ZNF595: variants seen among roughly 807,000 people sequenced by gnomAD.
ZNF595 encodes the protein zinc finger protein 595.
In ZNF595, 9 loss-of-function variants were observed where a neutral mutation model predicts 19.4. The ratio of observed to expected loss-of-function variants is 0.46; its 90% CI spans 0.28 to 0.81. The LOEUF (loss-of-function observed/expected upper bound fraction) is 0.81, where lower values mean the gene tolerates loss of function less well. ZNF595 is among the 30% of genes least tolerant of loss of function. ZNF595 has a pLI of 0.11. For missense variants in ZNF595, 729 were observed against 736.0 expected (o/e 0.99, Z 0.11); for synonymous variants, 255 against 255.9 (o/e 1.00, Z 0.03).
chr4:55,048 AT>A (rs1183063876), intron 1 of ZNF595, among the ~76,000 whole-genome samples: 672 of 139,220 alleles, frequency 4.8e-3, no homozygotes, highest in Admixed American at 0.013. Flanking sequence ...TGCCTGGCTA[AT>A]TTTTTTTTTT....
Position 87,714 on chromosome 4 carries a change from AAT to A in ZNF595, c.*264_*265del. ...TACACACAGTCCAGTTATACACTTT[AAT>A]TTTTTTTTTTTTTTTTTTTTTTGAG... On this transcript the variant is annotated 3_prime_UTR_variant, in exon 4 of 4. Transcript: ENST00000610261. The A allele has an allele frequency of 5.1e-6, 1 of 197,872 alleles. No homozygotes were observed. Among genetic ancestry groups the A allele is most frequent in the Non-Finnish European group, 9.5e-6 (1 of 105,440 alleles). 12.3% of individuals were successfully genotyped at this position (197,872 alleles called of 1,614,324 possible). A position where few individuals can be genotyped will look rare whatever the true frequency, so the allele number is the denominator to read the frequency against.
At chr4:60,759 A>G (rs1712819883) in intron 3 of ZNF595, among the ~76,000 whole-genome samples, 1 of 152,314 alleles carries the variant, frequency 6.6e-6, no homozygotes, top group Non-Finnish European at 1.5e-5. Context: ...TTCTACAAAA[A>G]CTCTTACTCA....
At chr4:71,447 G>C (rs1446853945) in intron 3 of ZNF595, among the ~76,000 whole-genome samples, 1 of 152,070 alleles carries the variant, frequency 6.6e-6, no homozygotes, top group Non-Finnish European at 1.5e-5. Flanking sequence ...GAATGCCCTT[G>C]GGTTTAGGTT....
intron 3 of ZNF595, among the ~76,000 whole-genome samples, chr4:82,821 A>C (rs1713973238): frequency 6.6e-6 from 1 of 152,132 alleles, no homozygotes; most frequent in Non-Finnish European, 1.5e-5. Flanking sequence ...ATATTTTATG[A>C]GCTATTCAGA....
Position 87,069 on chromosome 4 carries a change from G to A in ZNF595, c.1565G>A (p.Gly522Asp), listed in dbSNP as rs782065919. The A allele has an allele frequency of 1.2e-6, 2 of 1,607,348 alleles. No individual in the cohort carries two copies. The highest frequency in any genetic ancestry group is 1.7e-5 in the Admixed American group (1 of 59,324). Residue 522 changes from glycine (G) to aspartate (D), a missense_variant, in exon 4 of 4, where the codon GGC becomes GAC. By Grantham distance (94) the Gly-to-Asp change is moderately conservative (BLOSUM62 -1). Around this residue, in one of 2 missense-constraint regions of ZNF595, gnomAD observed 729 missense variants for 675.3 expected, o/e 1.08. Coordinates refer to ENST00000610261, the MANE Select transcript of ZNF595 (RefSeq NM_182524.4). ...ECGKAFNQSS[G>D]LIIHRSIHSE... ...GGCAAAGCTTTTAACCAATCCTCAG[G>A]CCTTATTATACACAGGAGCATTCAT...
At chr4:66,849 C>A (rs1349322799) in intron 3 of ZNF595, among the ~76,000 whole-genome samples, 1 of 151,948 alleles carries the variant, frequency 6.6e-6, no homozygotes, top group Non-Finnish European at 1.5e-5. Context: ...GTTATCTGTT[C>A]TAAAAACAGG....
rs528766593 is a variant in ZNF595 at position 86,888 on chromosome 4, A to T, written c.1384A>T (p.Thr462Ser). Residue 462 changes from threonine to serine, a missense_variant, in exon 4 of 4, where the codon ACA becomes TCA. Thr to Ser is a moderately conservative substitution (Grantham distance 58). Transcript: ENST00000610261. ...ATGTGAAGAATGTGGCAAAGCCTTT[A>T]CACGGTCCACAACACTGAACGAACA... ...YKCEECGKAFTRSTTLNEHKK... is the reference protein window; with the variant it reads ...YKCEECGKAFSRSTTLNEHKK... 1 of 1,612,070 alleles carries T rather than the reference A, an allele frequency of 6.2e-7. No homozygotes were observed. Among genetic ancestry groups the T allele is most frequent in the East Asian group, 2.2e-5 (1 of 44,818 alleles).
intron 3 of ZNF595, among the ~76,000 whole-genome samples, chr4:85,464 T>A (rs1553800886): frequency 6.6e-6 from 1 of 152,222 alleles, no homozygotes; most frequent in East Asian, 1.9e-4. Flanking sequence ...GGTGGGTAAA[T>A]ATAACAAACT....
intron 3 of ZNF595, among the ~76,000 whole-genome samples, chr4:66,427 T>A (rs1436340293): frequency 1.3e-5 from 2 of 152,028 alleles, no homozygotes; most frequent in Admixed American, 1.3e-4. Context: ...TTACTAAAAC[T>A]TTAATGTGGA....
At chr4:80,198 T>C (rs531396607) in intron 3 of ZNF595, among the ~76,000 whole-genome samples, 78 of 152,276 alleles carry the variant, frequency 5.1e-4, no homozygotes, top group African/African-American at 1.7e-3. Flanking sequence ...AATTTTGTAT[T>C]TTTAGTAGAG....
At chr4:78,774 A>C (rs144268602) in intron 3 of ZNF595, among the ~76,000 whole-genome samples, 1,968 of 152,234 alleles carry the variant, frequency 0.013, 49 homozygotes, top group African/African-American at 0.045. Context: ...GCTGGAGTGC[A>C]GTGGTGCGAT....
At chr4:84,389 C>T (rs186877418) in intron 3 of ZNF595, among the ~76,000 whole-genome samples, 19 of 152,252 alleles carry the variant, frequency 1.2e-4, no homozygotes, top group African/African-American at 4.6e-4. Context: ...TTTTCTAAGG[C>T]AGGTGTTGTG....
chr4:64,706 G>C (rs1581328578), intron 3 of ZNF595, among the ~76,000 whole-genome samples: 1 of 152,308 alleles, frequency 6.6e-6, no homozygotes. Flanking sequence ...AGTGATATGG[G>C]GTCTGCCTTT....
intron 3 of ZNF595, among the ~76,000 whole-genome samples, chr4:76,471 G>A (rs1713664829): frequency 6.6e-6 from 1 of 152,048 alleles, no homozygotes; most frequent in South Asian, 2.1e-4. Flanking sequence ...AGTTAAAAGG[G>A]ATTTATGTAC....
rs782382550 is a variant in ZNF595 at position 85,913 on chromosome 4, T to C, written c.409T>C (p.Leu137=). The change falls in exon 4 of 4, where the codon TTG becomes CTG. Residue 137 remains leucine (L), a synonymous_variant. Coordinates refer to ENST00000610261, the MANE Select transcript of ZNF595 (RefSeq NM_182524.4). ...KGVNNGVYQC[L]STTQSKIFQC... is the part of the protein sequence containing the mutation. ...AGTTAATAATGGAGTTTACCAGTGCTTGTCAACTACCCAGAGCAAAATATT... is the reference window on the plus strand; with the variant it reads ...AGTTAATAATGGAGTTTACCAGTGCCTGTCAACTACCCAGAGCAAAATATT... 1 of 1,613,880 alleles carries C rather than the reference T, an allele frequency of 6.2e-7. No individual in the cohort carries two copies. The highest frequency in any genetic ancestry group is 1.3e-5 in the African/African-American group (1 of 74,926).
At chr4:80,895 T>C (rs1415449560) in intron 3 of ZNF595, among the ~76,000 whole-genome samples, 1 of 151,994 alleles carries the variant, frequency 6.6e-6, no homozygotes, top group African/African-American at 2.4e-5. Context: ...ACATGCGCCA[T>C]GGTGGTTTGC....
At chr4:77,027 A>G (rs1365583360) in intron 3 of ZNF595, among the ~76,000 whole-genome samples, 2 of 152,166 alleles carry the variant, frequency 1.3e-5, no homozygotes, top group African/African-American at 4.8e-5. Flanking sequence ...TTATCTTTAA[A>G]CAAATTTTTA....
Position 87,484 on chromosome 4 carries a change from C to G in ZNF595, c.*33C>G, listed in dbSNP as rs1553802181. On this transcript the variant is annotated 3_prime_UTR_variant, in exon 4 of 4. Transcript: ENST00000610261. ...TTCTAGTAATCTCTAATTCCAGTGT[C>G]TTTACACAGCAAATAAATTGGAGAA... is the stretch of plus-strand genomic sequence containing the variant. The G allele has an allele frequency of 1.4e-5, 20 of 1,470,722 alleles. No homozygotes were observed. The highest frequency in any genetic ancestry group is 1.8e-5 in the Non-Finnish European group (20 of 1,106,854). The allele number at this position is 1,470,722 out of a possible 1,614,324, so 91.1% of individuals were successfully genotyped here.
At position 87,864 on chromosome 4, in the gene ZNF595, G is replaced by C. The variant is rs1203712624; in HGVS notation, c.*413G>C. 6.5e-6 allele frequency: 1 copy of C among 152,912 alleles called. No individual in the cohort carries two copies. The highest frequency in any genetic ancestry group is 2.4e-5 in the African/African-American group (1 of 41,358). The allele number at this position is 152,912 out of a possible 1,614,324, so 9.5% of individuals were successfully genotyped here. On this transcript the variant is annotated 3_prime_UTR_variant, in exon 4 of 4. Coordinates refer to ENST00000610261, the MANE Select transcript of ZNF595 (RefSeq NM_182524.4). ...GCCTCATGAGTAGCTGTGACTACCG[G>C]CAGGTGCCACCATGCCCAGCTAATT... is the stretch of plus-strand genomic sequence containing the variant.
Sources: gnomAD v4.1 joint callset for allele counts (sites outside exome capture counted in the v4.1 genomes callset) on GRCh38, gnomAD v4.1.1 for gene constraint, gnomAD v4.1.1 regional missense constraint, MANE v1.5 for transcripts, NCBI Gene and HGNC (gene_info 2026-07-23, HGNC 2026-07-21) for gene names.